The following MCTP1 variants were observed in gnomAD, a reference collection of about 807,000 sequenced individuals.
MCTP1 encodes the protein multiple C2 and transmembrane domain containing 1, also known as multiple C2 and transmembrane domain-containing protein 1.
In MCTP1, 69 loss-of-function variants were observed where a neutral mutation model predicts 120.6. The ratio of observed to expected loss-of-function variants is 0.57; its 90% CI spans 0.47 to 0.70. MCTP1 has a LOEUF of 0.70. Ranked by LOEUF, MCTP1 falls within the 30% of genes least tolerant of loss-of-function variation. The pLI is 0.00. For synonymous variants in MCTP1, 529 were observed against 493.1 expected (o/e 1.07, Z -0.96); for missense variants, 1,203 against 1,248.8 (o/e 0.96, Z 0.55).
chr5:94,738,517 C>T (rs1299352532), intron 19 of MCTP1, among the ~76,000 whole-genome samples: 1 of 152,160 alleles, frequency 6.6e-6, no homozygotes, highest in Non-Finnish European at 1.5e-5. Context: ...ACTGAACATT[C>T]TACCTGAAGC....
At chr5:95,239,620 T>C (rs1404961979) in intron 1 of MCTP1, among the ~76,000 whole-genome samples, 1 of 152,186 alleles carries the variant, frequency 6.6e-6, no homozygotes, top group African/African-American at 2.4e-5. Context: ...AGATGTTCAA[T>C]GACTTTGCTA....
At chr5:94,964,663 G>A (rs1257053562) in intron 2 of MCTP1, among the ~76,000 whole-genome samples, 1 of 152,042 alleles carries the variant, frequency 6.6e-6, no homozygotes, top group Admixed American at 6.6e-5. Context: ...AGATACGCTT[G>A]CTCTCTTTTG....
intron 15 of MCTP1, 24 bp downstream of exon 15, chr5:94,870,847 CA>C (rs748022580): frequency 1.3e-6 from 2 of 1,516,494 alleles, no homozygotes; most frequent in Non-Finnish European, 1.8e-6. Flanking sequence ...TTTAGCAGTA[CA>C]AAAAAGCCAA....
At chr5:94,825,772 C>T (rs540213479) in intron 17 of MCTP1, among the ~76,000 whole-genome samples, 18 of 150,814 alleles carry the variant, frequency 1.2e-4, no homozygotes, top group Non-Finnish European at 1.8e-4. Flanking sequence ...TACATATATA[C>T]ACACACACAC....
At chr5:95,115,385 T>C (rs959652557) in intron 1 of MCTP1, among the ~76,000 whole-genome samples, 2 of 151,800 alleles carry the variant, frequency 1.3e-5, no homozygotes, top group African/African-American at 4.8e-5. Flanking sequence ...TTCAAGATAA[T>C]ACAAAGAAGG....
At chr5:94,891,747 A>AAAATAAAT (rs66803101) in intron 11 of MCTP1, among the ~76,000 whole-genome samples, 220 of 148,444 alleles carry the variant, frequency 1.5e-3, no homozygotes, top group African/African-American at 3.1e-3. Flanking sequence ...ATAAGAAGTA[A>AAAATAAAT]AAATAAATAA....
intron 1 of MCTP1, among the ~76,000 whole-genome samples, chr5:95,148,140 T>C (rs1301192938): frequency 6.6e-6 from 1 of 152,190 alleles, no homozygotes; most frequent in Admixed American, 6.5e-5. Context: ...ATGTTTTGTT[T>C]TGTGTTGACA....
chr5:95,110,224 C>A (rs115217069), intron 1 of MCTP1, among the ~76,000 whole-genome samples: 2,383 of 152,138 alleles, frequency 0.016, 59 homozygotes, highest in African/African-American at 0.055. Flanking sequence ...TAATGTGAAT[C>A]CAACCTACTT....
intron 2 of MCTP1, among the ~76,000 whole-genome samples, chr5:94,976,406 C>A (rs975667819): frequency 5.3e-5 from 8 of 151,956 alleles, no homozygotes; most frequent in African/African-American, 1.9e-4. Flanking sequence ...ACCAAGATCA[C>A]GCCAATGCAC....
chr5:94,725,309 T>C (rs977235199), intron 19 of MCTP1, among the ~76,000 whole-genome samples: 2 of 152,246 alleles, frequency 1.3e-5, no homozygotes, highest in African/African-American at 2.4e-5. Flanking sequence ...TCAGAGTCCA[T>C]TGAAAGCTTA....
At chr5:94,829,130 T>C (rs567700826) in intron 17 of MCTP1, among the ~76,000 whole-genome samples, 1 of 152,320 alleles carries the variant, frequency 6.6e-6, no homozygotes, top group South Asian at 2.1e-4. Context: ...GATCTGTGGG[T>C]TGTGAAGACC....
At chr5:94,919,686 T>G (rs6877335) in intron 7 of MCTP1, among the ~76,000 whole-genome samples, 1 of 152,138 alleles carries the variant, frequency 6.6e-6, no homozygotes, top group Non-Finnish European at 1.5e-5. Context: ...CAGCCTAGAA[T>G]GACTGTTTTG....
At chr5:94,750,938 A>G (rs1272574028) in intron 19 of MCTP1, among the ~76,000 whole-genome samples, 2 of 152,188 alleles carry the variant, frequency 1.3e-5, no homozygotes, top group Non-Finnish European at 1.5e-5. Flanking sequence ...GTAGCATACA[A>G]AAAGGAAATG....
At chr5:94,823,611 T>C (rs980017332) in intron 17 of MCTP1, among the ~76,000 whole-genome samples, 13 of 152,172 alleles carry the variant, frequency 8.5e-5, no homozygotes, top group Non-Finnish European at 1.2e-4. Context: ...GGGAACAACA[T>C]TGAATCTATA....
At chr5:95,129,573 AT>A (rs745693602) in intron 1 of MCTP1, among the ~76,000 whole-genome samples, 1 of 152,240 alleles carries the variant, frequency 6.6e-6, no homozygotes, top group African/African-American at 2.4e-5. Context: ...TAGCACTTAA[AT>A]CAGTAAACTG....
intron 10 of MCTP1, among the ~76,000 whole-genome samples, chr5:94,903,824 A>G (rs768349078): frequency 1.4e-4 from 22 of 152,216 alleles, no homozygotes; most frequent in Non-Finnish European, 2.6e-4. Flanking sequence ...TGGATTGCAA[A>G]TAACTCCAAC....
chr5:94,923,881 C>T (rs888820570), intron 7 of MCTP1, 81 bp downstream of exon 7: 2 of 800,144 alleles, frequency 2.5e-6, no homozygotes, highest in Non-Finnish European at 4.0e-6. Context: ...AAAAATGAAA[C>T]TCTTAGTTGC....
intron 1 of MCTP1, among the ~76,000 whole-genome samples, chr5:95,136,558 G>A (rs1409560455): frequency 6.6e-6 from 1 of 152,142 alleles, no homozygotes; most frequent in African/African-American, 2.4e-5. Flanking sequence ...GAGGGAAGTG[G>A]GGAAGGGAGG....
intron 2 of MCTP1, among the ~76,000 whole-genome samples, chr5:94,956,440 T>C (rs1455219737): frequency 1.3e-5 from 2 of 152,158 alleles, no homozygotes; most frequent in African/African-American, 4.8e-5. Flanking sequence ...AGAAGTAGGC[T>C]TCAGAAGGTA....
Sources: allele counts gnomAD v4.1 joint callset (sites outside exome capture counted in the v4.1 genomes callset), GRCh38; gene constraint gnomAD v4.1.1; transcripts MANE v1.5; gene names NCBI Gene and HGNC (gene_info 2026-07-23, HGNC 2026-07-21).